Variants in OR2L13 observed in about 807,000 individuals in gnomAD.
OR2L13 encodes olfactory receptor 2L13.
In OR2L13, 14 loss-of-function variants were observed where a neutral mutation model predicts 15.3. The ratio of observed to expected loss-of-function variants is 0.91; its 90% CI spans 0.60 to 1.43. OR2L13 has a LOEUF of 1.43. Ranked by LOEUF, OR2L13 falls within the 40% of genes most tolerant of loss-of-function variation. The probability of loss-of-function intolerance (pLI) is 0.00; values close to 1 mark genes in which losing one functional copy is unlikely to be tolerated. For missense variants in OR2L13, 367 were observed against 387.9 expected, an observed-to-expected ratio of 0.95 and a Z score of 0.45; for synonymous variants, 152 against 142.9, an observed-to-expected ratio of 1.06 and a Z score of -0.45.
chr1:247,953,022 C>T, the OR2L13 span, among the ~76,000 whole-genome samples: 1 of 152,164 alleles, frequency 6.6e-6, no homozygotes, highest in African/African-American at 2.4e-5. Flanking sequence ...AAAGAGGTCA[C>T]CCCTCTAACA....
chr1:247,943,645 C>T, the OR2L13 span, among the ~76,000 whole-genome samples: 1 of 151,992 alleles, frequency 6.6e-6, no homozygotes, highest in African/African-American at 2.4e-5. Flanking sequence ...TGACTTGCAC[C>T]TTTTTATGTT....
chr1:247,965,706 T>C, the OR2L13 span: 1 of 1,555,946 alleles, frequency 6.4e-7, no homozygotes, highest in Non-Finnish European at 8.7e-7. Context: ...TTGGTGGAAC[T>C]GAAGCCCTTC....
At chr1:247,973,365 A>G in the OR2L13 span, among the ~76,000 whole-genome samples, 1 of 152,196 alleles carries the variant, frequency 6.6e-6, no homozygotes, top group African/African-American at 2.4e-5. Context: ...ACATAATTGT[A>G]TACTTAGAAA....
chr1:248,046,502 A>G, the OR2L13 span, among the ~76,000 whole-genome samples: 5 of 152,188 alleles, frequency 3.3e-5, no homozygotes, highest in African/African-American at 9.7e-5. Context: ...ATGTGAATAA[A>G]TATATTTGTT....
chr1:248,023,549 C>T, the OR2L13 span: 1 of 152,162 alleles, frequency 6.6e-6, no homozygotes, highest in African/African-American at 2.4e-5. Flanking sequence ...TGTTTGTCTC[C>T]TGAGTAGCCA....
chr1:248,063,319 A>G, the OR2L13 span: 1 of 152,272 alleles, frequency 6.6e-6, no homozygotes, highest in African/African-American at 2.4e-5. Context: ...CGTTAACGGT[A>G]AAGTATTACA....
At chr1:248,074,321 T>C in the OR2L13 span, among the ~76,000 whole-genome samples, 1 of 151,562 alleles carries the variant, frequency 6.6e-6, no homozygotes, top group East Asian at 1.9e-4. Context: ...AAATGCCAAA[T>C]GCTAGTGATG....
chr1:247,993,426 CAGGT>C, the OR2L13 span, among the ~76,000 whole-genome samples: 14 of 149,950 alleles, frequency 9.3e-5, 1 homozygote, highest in South Asian at 3.0e-3. Flanking sequence ...TGTTACTCCT[CAGGT>C]AGAGGAATAA....
At chr1:248,018,086 C>T in the OR2L13 span, among the ~76,000 whole-genome samples, 7 of 148,572 alleles carry the variant, frequency 4.7e-5, no homozygotes, top group South Asian at 1.3e-3. Flanking sequence ...ACCCGGGAGG[C>T]GGAGCTTGCA....
chr1:247,956,144 T>C, the OR2L13 span, among the ~76,000 whole-genome samples: 1 of 150,602 alleles, frequency 6.6e-6, no homozygotes, highest in Non-Finnish European at 1.5e-5. Flanking sequence ...AGGGATCCAG[T>C]TTCAGCTTTC....
At chr1:247,973,608 G>T in the OR2L13 span, among the ~76,000 whole-genome samples, 1 of 151,838 alleles carries the variant, frequency 6.6e-6, no homozygotes, top group Non-Finnish European at 1.5e-5. Context: ...ACTACAAAAA[G>T]TGGGCGAAGG....
At chr1:247,955,054 C>T in the OR2L13 span, among the ~76,000 whole-genome samples, 2,213 of 151,944 alleles carry the variant, frequency 0.015, 19 homozygotes, top group Non-Finnish European at 0.022. Flanking sequence ...CCCATTAACT[C>T]GTCATTTAAC....
the OR2L13 span, among the ~76,000 whole-genome samples, chr1:247,955,558 C>G: frequency 1.3e-5 from 2 of 152,116 alleles, 1 homozygote; most frequent in South Asian, 4.2e-4. Context: ...AGTTTACAGT[C>G]CCATCAACAG....
chr1:247,954,041 C>T, the OR2L13 span, among the ~76,000 whole-genome samples: 3 of 152,120 alleles, frequency 2.0e-5, no homozygotes, highest in East Asian at 5.8e-4. Flanking sequence ...TGAGGATTCC[C>T]ATGTACATGT....
chr1:248,043,404 G>A, the OR2L13 span, among the ~76,000 whole-genome samples: 17 of 152,262 alleles, frequency 1.1e-4, no homozygotes, highest in African/African-American at 3.9e-4. Context: ...TATTTACATG[G>A]GCCGATATGA....
chr1:248,012,395 C>T, the OR2L13 span, among the ~76,000 whole-genome samples: 1 of 152,104 alleles, frequency 6.6e-6, no homozygotes, highest in Non-Finnish European at 1.5e-5. Flanking sequence ...TCATATCCCC[C>T]ACATGTGTTT....
At chr1:247,982,092 A>G in the OR2L13 span, among the ~76,000 whole-genome samples, 377 of 152,246 alleles carry the variant, frequency 2.5e-3, 2 homozygotes, top group African/African-American at 8.1e-3. Flanking sequence ...TGGGATTACA[A>G]GCGTGAGCCA....
At chr1:248,076,968 G>A in the OR2L13 span, among the ~76,000 whole-genome samples, 1 of 152,124 alleles carries the variant, frequency 6.6e-6, no homozygotes, top group Non-Finnish European at 1.5e-5. Context: ...ATATGATATT[G>A]GCTGTGGGTT....
chr1:248,048,245 T>C, the OR2L13 span, among the ~76,000 whole-genome samples: 2 of 152,216 alleles, frequency 1.3e-5, no homozygotes, highest in Non-Finnish European at 2.9e-5. Context: ...AAAGCAAATA[T>C]TCACTTTATA....
Sources: allele counts gnomAD v4.1 joint callset (sites outside exome capture counted in the v4.1 genomes callset), GRCh38; gene constraint gnomAD v4.1.1; transcripts MANE v1.5; gene names NCBI Gene and HGNC (gene_info 2026-07-23, HGNC 2026-07-21).